TANGO6: variants seen among roughly 807,000 people sequenced by gnomAD.
TANGO6 encodes transport and Golgi organization protein 6 homolog.
Under a neutral mutation model 114.2 loss-of-function variants are expected in TANGO6, and 90 were observed. That is an observed-to-expected ratio of 0.79 (90% CI 0.66 to 0.94). The LOEUF is 0.94. TANGO6 is among the 40% of genes least tolerant of loss of function. The pLI is 0.00. For missense variants in TANGO6, 1,274 were observed against 1,315.3 expected, an observed-to-expected ratio of 0.97 and a Z score of 0.49; for synonymous variants, 477 against 509.8, an observed-to-expected ratio of 0.94 and a Z score of 0.87.
At chr16:69,064,779 AG>A (rs1960188905) in intron 17 of TANGO6, among the ~76,000 whole-genome samples, 1 of 152,234 alleles carries the variant, frequency 6.6e-6, no homozygotes, top group South Asian at 2.1e-4. Context: ...ATGTGTGTCC[AG>A]GGCTTAGCAC....
rs140911917 is a variant in TANGO6 at position 68,885,425 on chromosome 16, G to A, written c.1377+4795G>A. ...TTTTTGTTCCCCTTAAAAGAAACTC[G>A]TATCCATTAGCTGTCATTCTCCATT... On this transcript the variant is annotated intron_variant, in intron 7 of 17. Coordinates refer to ENST00000261778, the MANE Select transcript of TANGO6 (RefSeq NM_024562.2). Among the ~76,000 whole-genome samples the A allele has an allele frequency of 3.3e-5, 5 of 152,204 alleles. No homozygotes were observed. The East Asian group carries it at 5.8e-4, about 18-fold the overall frequency.
intron 17 of TANGO6, among the ~76,000 whole-genome samples, chr16:69,051,259 G>T (rs539368674): frequency 6.6e-6 from 1 of 151,676 alleles, no homozygotes; most frequent in Non-Finnish European, 1.5e-5. Context: ...ATTTACTTTC[G>T]GCTGAGCACG....
intron 14 of TANGO6, among the ~76,000 whole-genome samples, chr16:68,936,817 A>T (rs887022820): frequency 1.3e-5 from 2 of 152,206 alleles, no homozygotes; most frequent in Admixed American, 1.3e-4. Context: ...AAATAAAAAA[A>T]AAAAACCACC....
At chr16:68,937,948 CAT>C (rs933172164) in intron 14 of TANGO6, among the ~76,000 whole-genome samples, 60 of 152,172 alleles carry the variant, frequency 3.9e-4, no homozygotes, top group Non-Finnish European at 8.2e-4. Context: ...TGGGTATATA[CAT>C]ATACCTAGGA....
chr16:68,892,322 C>T (rs1204719718), intron 7 of TANGO6, among the ~76,000 whole-genome samples: 1 of 152,072 alleles, frequency 6.6e-6, no homozygotes, highest in East Asian at 1.9e-4. Flanking sequence ...GCTGGATCTG[C>T]GAAAGAAAGC....
intron 16 of TANGO6, among the ~76,000 whole-genome samples, chr16:69,038,089 C>T (rs1959718791): frequency 6.6e-6 from 1 of 152,142 alleles, no homozygotes; most frequent in Admixed American, 6.6e-5. Context: ...AGATATCCTT[C>T]CACTACTGGC....
intron 4 of TANGO6, among the ~76,000 whole-genome samples, chr16:68,868,615 A>G (rs1962217232): frequency 6.7e-6 from 1 of 148,344 alleles, no homozygotes; most frequent in African/African-American, 2.5e-5. Context: ...CTTCTGCCTC[A>G]GCCTCCTGAG....
chr16:68,979,256 G>C (rs548734385), intron 15 of TANGO6, among the ~76,000 whole-genome samples: 8 of 151,696 alleles, frequency 5.3e-5, no homozygotes, highest in Non-Finnish European at 1.0e-4. Context: ...TTGAGACGGA[G>C]TCTTGCTCTG....
chr16:68,939,615 T>C (rs76358528), intron 14 of TANGO6, among the ~76,000 whole-genome samples: 5,102 of 151,834 alleles, frequency 0.034, 299 homozygotes, highest in African/African-American at 0.12. Context: ...CATGGATATT[T>C]TATTCTAGGA....
At chr16:69,069,298 G>A (rs770301281) in intron 17 of TANGO6, among the ~76,000 whole-genome samples, 13 of 152,254 alleles carry the variant, frequency 8.5e-5, no homozygotes, top group Middle Eastern at 3.4e-3. Flanking sequence ...ACACAATGTG[G>A]GAAATTTTGC....
intron 15 of TANGO6, among the ~76,000 whole-genome samples, chr16:69,012,275 G>T (rs1440506281): frequency 6.6e-6 from 1 of 152,086 alleles, no homozygotes; most frequent in African/African-American, 2.4e-5. Flanking sequence ...TACCTGAGGA[G>T]GTTGGGCACG....
intron 17 of TANGO6, among the ~76,000 whole-genome samples, chr16:69,059,448 C>T (rs996202968): frequency 9.2e-5 from 14 of 152,128 alleles, no homozygotes; most frequent in African/African-American, 1.2e-4. Flanking sequence ...TTAGGTGTTC[C>T]GCCCGCCTCA....
intron 4 of TANGO6, among the ~76,000 whole-genome samples, chr16:68,868,403 G>A (rs80281756): frequency 0.097 from 14,639 of 151,416 alleles, 798 homozygotes; most frequent in Non-Finnish European, 0.13. Flanking sequence ...AGCAGTCCTC[G>A]GCATCATTCC....
intron 15 of TANGO6, among the ~76,000 whole-genome samples, chr16:69,008,075 A>G (rs2063200481): frequency 6.6e-6 from 1 of 151,884 alleles, no homozygotes; most frequent in South Asian, 2.1e-4. Context: ...ATTTTCTTCC[A>G]TTTTGTGGGT....
intron 17 of TANGO6, among the ~76,000 whole-genome samples, chr16:69,066,886 C>T (rs1327238474): frequency 2.0e-5 from 3 of 152,068 alleles, no homozygotes; most frequent in Non-Finnish European, 4.4e-5. Context: ...GACCCCGTCT[C>T]TACAAAAAAT....
intron 7 of TANGO6, among the ~76,000 whole-genome samples, chr16:68,892,455 G>C (rs1287885338): frequency 5.9e-5 from 9 of 151,886 alleles, no homozygotes; most frequent in Admixed American, 2.6e-4. Flanking sequence ...TTGCCCCTCA[G>C]CTCTTGCTAC....
intron 16 of TANGO6, among the ~76,000 whole-genome samples, chr16:69,025,213 C>T (rs1959480703): frequency 1.3e-5 from 2 of 152,188 alleles, no homozygotes; most frequent in Admixed American, 1.3e-4. Context: ...TTCAGCAGTT[C>T]CCAAGCTCTT....
chr16:68,907,777 G>T (rs943356026), intron 10 of TANGO6, among the ~76,000 whole-genome samples: 1 of 152,166 alleles, frequency 6.6e-6, no homozygotes. Context: ...TAGTACTCAT[G>T]TTATCTACTA....
At chr16:68,941,124 T>A (rs1237459850) in intron 14 of TANGO6, among the ~76,000 whole-genome samples, 1 of 152,350 alleles carries the variant, frequency 6.6e-6, no homozygotes, top group Admixed American at 6.5e-5. Context: ...ATTGGGTTTA[T>A]GTAAATAACC....
Sources: gnomAD v4.1 joint callset for allele counts (sites outside exome capture counted in the v4.1 genomes callset) on GRCh38, gnomAD v4.1.1 for gene constraint, MANE v1.5 for transcripts, NCBI Gene and HGNC (gene_info 2026-07-23, HGNC 2026-07-21) for gene names.